The following ATRNL1 variants were observed in gnomAD, a reference collection of about 807,000 sequenced individuals.
ATRNL1 encodes the protein attractin like 1.
A neutral mutation model predicts 182.7 loss-of-function variants in ATRNL1; 95 were observed. The ratio of observed to expected loss-of-function variants is 0.52; its 90% CI spans 0.44 to 0.62. The LOEUF (loss-of-function observed/expected upper bound fraction) is 0.62, where lower values mean the gene tolerates loss of function less well. ATRNL1 is among the 20% of genes least tolerant of loss of function. The pLI, the probability that ATRNL1 is intolerant of heterozygous loss-of-function variation, is 0.00. For synonymous variants in ATRNL1, 576 were observed against 568.3 expected (o/e 1.01, Z -0.19); for missense variants, 1,471 against 1,679.5 (o/e 0.88, Z 2.17).
At chr10:115,309,248 G>C (rs1193854159) in intron 17 of ATRNL1, among the ~76,000 whole-genome samples, 1 of 151,986 alleles carries the variant, frequency 6.6e-6, no homozygotes, top group South Asian at 2.1e-4. Flanking sequence ...GATTGGTTTG[G>C]CTATTTAGGC....
chr10:115,816,951 C>G (rs1260569783), intron 27 of ATRNL1, among the ~76,000 whole-genome samples: 1 of 152,098 alleles, frequency 6.6e-6, no homozygotes, highest in Non-Finnish European at 1.5e-5. Flanking sequence ...AATAGAAATT[C>G]TGCTTTTTTA....
intron 28 of ATRNL1, among the ~76,000 whole-genome samples, chr10:115,895,100 A>G (rs991972029): frequency 1.3e-5 from 2 of 152,230 alleles, no homozygotes; most frequent in Non-Finnish European, 2.9e-5. Flanking sequence ...TTCGTATTTT[A>G]AGTTGCCATT....
At chr10:115,112,324 A>G (rs1554868349) in intron 1 of ATRNL1, among the ~76,000 whole-genome samples, 1 of 152,216 alleles carries the variant, frequency 6.6e-6, no homozygotes, top group Admixed American at 6.5e-5. Context: ...AAATAGCTAA[A>G]GCACTGTTGA....
rs1009857943 is a variant in ATRNL1 at position 115,869,011 on chromosome 10, A to G, written c.4018+21020A>G. Reference sequence around the variant, plus strand: ...CGCCCGGCTAATTTTTTGTATTTTTAGTAGAGACGGGGTTTCACCATGTTG... The same window carrying G: ...CGCCCGGCTAATTTTTTGTATTTTTGGTAGAGACGGGGTTTCACCATGTTG... On this transcript the variant is annotated intron_variant, in intron 28 of 28. Coordinates refer to ENST00000355044, the MANE Select transcript of ATRNL1 (RefSeq NM_207303.4). Among the ~76,000 whole-genome samples the G allele has an allele frequency of 6.2e-4, 94 of 151,622 alleles. 1 individual carries two copies. The highest frequency in any genetic ancestry group is 3.2e-4 in the Non-Finnish European group (22 of 67,888).
At chr10:115,912,595 A>T (rs1451409508) in intron 28 of ATRNL1, among the ~76,000 whole-genome samples, 5 of 152,128 alleles carry the variant, frequency 3.3e-5, no homozygotes, top group African/African-American at 1.2e-4. Context: ...ACCTTAAGGA[A>T]ATAATTAGAA....
At chr10:115,414,140 T>G (rs1845277243) in intron 20 of ATRNL1, among the ~76,000 whole-genome samples, 1 of 152,056 alleles carries the variant, frequency 6.6e-6, no homozygotes, top group East Asian at 1.9e-4. Flanking sequence ...CAATTCTATA[T>G]TGTAATCTAA....
Position 115,764,144 on chromosome 10 carries a change from A to G in ATRNL1, c.3903+36789A>G, listed in dbSNP as rs146484368. Reference sequence around the variant, plus strand: ...GGAACAACTACGTTTTTAAAAAATTAAAGACTTTATTTTTTTAGAGCAGTT... The same window carrying G: ...GGAACAACTACGTTTTTAAAAAATTGAAGACTTTATTTTTTTAGAGCAGTT... On this transcript the variant is annotated intron_variant, in intron 27 of 28. Transcript: ENST00000355044. 2.0e-5 allele frequency among the ~76,000 whole-genome samples: 3 copies of G among 152,354 alleles called. No homozygotes were observed. The East Asian group carries it at 5.8e-4, about 29-fold the overall frequency.
At chr10:115,767,547 A>G (rs2134159423) in intron 27 of ATRNL1, among the ~76,000 whole-genome samples, 2 of 151,546 alleles carry the variant, frequency 1.3e-5, no homozygotes, top group Middle Eastern at 6.8e-3. Flanking sequence ...TTTCAGTAGC[A>G]CTCCTTGTTA....
At chr10:115,288,195 TG>T (rs1320873963) in intron 15 of ATRNL1, among the ~76,000 whole-genome samples, 1 of 152,196 alleles carries the variant, frequency 6.6e-6, no homozygotes, top group African/African-American at 2.4e-5. Context: ...AACATGAGAA[TG>T]CAGGTATCCC....
intron 27 of ATRNL1, among the ~76,000 whole-genome samples, chr10:115,775,568 C>T (rs782222728): frequency 5.3e-5 from 8 of 152,074 alleles, no homozygotes; most frequent in Non-Finnish European, 1.2e-4. Context: ...GACAAATATC[C>T]TATATGGACT....
chr10:115,468,958 G>A (rs1554971461), intron 23 of ATRNL1, among the ~76,000 whole-genome samples: 1 of 150,704 alleles, frequency 6.6e-6, no homozygotes, highest in Admixed American at 6.6e-5. Context: ...CTAGTACATA[G>A]CACTTAATCA....
intron 7 of ATRNL1, among the ~76,000 whole-genome samples, chr10:115,168,931 A>C (rs1191621589): frequency 6.7e-6 from 1 of 149,524 alleles, no homozygotes; most frequent in Non-Finnish European, 1.5e-5. Context: ...TTCTTTTAAG[A>C]GTTTTATAGT....
intron 20 of ATRNL1, among the ~76,000 whole-genome samples, chr10:115,420,870 C>T (rs1277511425): frequency 6.6e-6 from 1 of 152,002 alleles, no homozygotes; most frequent in Non-Finnish European, 1.5e-5. Flanking sequence ...GGAGACATCG[C>T]AACTGATACC....
intron 28 of ATRNL1, among the ~76,000 whole-genome samples, chr10:115,893,234 T>G (rs1555111697): frequency 1.3e-5 from 2 of 152,150 alleles, no homozygotes; most frequent in Non-Finnish European, 2.9e-5. Flanking sequence ...AGATCATGAT[T>G]GTGTGGCATC....
chr10:115,108,020 A>G (rs1375043907), intron 1 of ATRNL1, among the ~76,000 whole-genome samples: 1 of 152,136 alleles, frequency 6.6e-6, no homozygotes, highest in South Asian at 2.1e-4. Context: ...GATGAATAGC[A>G]CGTGACTTCC....
intron 9 of ATRNL1, among the ~76,000 whole-genome samples, chr10:115,234,607 T>G (rs1388438109): frequency 6.7e-6 from 1 of 149,328 alleles, no homozygotes; most frequent in South Asian, 2.1e-4. Context: ...TTTTTTTTTT[T>G]TGAGACAGGG....
At chr10:115,465,912 G>T (rs992473575) in intron 22 of ATRNL1, among the ~76,000 whole-genome samples, 1 of 151,434 alleles carries the variant, frequency 6.6e-6, no homozygotes, top group Admixed American at 6.6e-5. Context: ...TCATTTGATG[G>T]ATATGGAACA....
chr10:115,700,537 T>A (rs1946700846), intron 26 of ATRNL1, among the ~76,000 whole-genome samples: 1 of 152,136 alleles, frequency 6.6e-6, no homozygotes, highest in Non-Finnish European at 1.5e-5. Flanking sequence ...CACTTTTTAC[T>A]GGGGTTATTT....
intron 17 of ATRNL1, among the ~76,000 whole-genome samples, chr10:115,306,327 C>T (rs1554926149): frequency 6.6e-6 from 1 of 152,154 alleles, no homozygotes; most frequent in Admixed American, 6.5e-5. Flanking sequence ...TAATTTTTTC[C>T]TTGGAACCTC....
Sources: gnomAD v4.1 joint callset for allele counts (sites outside exome capture counted in the v4.1 genomes callset) on GRCh38, gnomAD v4.1.1 for gene constraint, MANE v1.5 for transcripts, NCBI Gene and HGNC (gene_info 2026-07-23, HGNC 2026-07-21) for gene names.